Variants in GRIP1 observed in about 807,000 individuals in gnomAD.
GRIP1 encodes glutamate receptor-interacting protein 1.
Under a neutral mutation model 129.9 loss-of-function variants are expected in GRIP1, and 45 were observed. That is an observed-to-expected ratio of 0.35 (90% CI 0.27 to 0.44). The LOEUF (loss-of-function observed/expected upper bound fraction) is 0.44. GRIP1 is among the 20% of genes least tolerant of loss of function. The pLI is 1.00. For missense variants in GRIP1, 1,196 were observed against 1,396.8 expected (o/e 0.86, Z 2.29); for synonymous variants, 530 against 520.8 (o/e 1.02, Z -0.24).
chr12:66,639,273 C>T (rs2031706192), intron 1 of GRIP1, among the ~76,000 whole-genome samples: 1 of 152,084 alleles, frequency 6.6e-6, no homozygotes, highest in South Asian at 2.1e-4. Flanking sequence ...GAAGTGAGTA[C>T]TGAGGCAGAA....
chr12:66,793,605 C>A (rs1461010212), intron 1 of GRIP1, among the ~76,000 whole-genome samples: 1 of 152,096 alleles, frequency 6.6e-6, no homozygotes, highest in Middle Eastern at 3.2e-3. Flanking sequence ...GCGTTTGCTG[C>A]TTTTTCTCCT....
At chr12:66,611,903 A>G (rs968888606) in intron 1 of GRIP1, among the ~76,000 whole-genome samples, 2 of 152,206 alleles carry the variant, frequency 1.3e-5, no homozygotes, top group African/African-American at 4.8e-5. Context: ...CAGTTTGAAC[A>G]TAAGAATGAG....
At chr12:66,585,101 CCTT>C (rs1316831186) in intron 2 of GRIP1, among the ~76,000 whole-genome samples, 8 of 82,894 alleles carry the variant, frequency 9.7e-5, no homozygotes, top group African/African-American at 2.2e-4. Context: ...TCTTTTTTTT[CCTT>C]CTTTTTTTTT....
At chr12:67,026,062 C>T (rs900376067) in intron 1 of GRIP1, among the ~76,000 whole-genome samples, 1 of 152,084 alleles carries the variant, frequency 6.6e-6, no homozygotes, top group East Asian at 1.9e-4. Context: ...AACTCCCTGT[C>T]GGGGCTGCTT....
chr12:66,868,479 A>G (rs1293809417), intron 1 of GRIP1, among the ~76,000 whole-genome samples: 1 of 152,094 alleles, frequency 6.6e-6, no homozygotes, highest in Non-Finnish European at 1.5e-5. Flanking sequence ...TTGTAGCCCC[A>G]CGAACTTAAG....
chr12:66,349,466 C>A (rs992032607), intron 24 of GRIP1, among the ~76,000 whole-genome samples: 1 of 152,202 alleles, frequency 6.6e-6, no homozygotes, highest in East Asian at 1.9e-4. Flanking sequence ...AAGACATACA[C>A]ATCCTACCTA....
chr12:66,766,142 C>T (rs2037629932), intron 1 of GRIP1, among the ~76,000 whole-genome samples: 1 of 152,180 alleles, frequency 6.6e-6, no homozygotes, highest in Non-Finnish European at 1.5e-5. Context: ...TGGCTGACAA[C>T]TCGAAACACT....
chr12:66,395,943 A>C (rs1319197263), intron 16 of GRIP1, among the ~76,000 whole-genome samples: 1 of 152,226 alleles, frequency 6.6e-6, no homozygotes, highest in East Asian at 1.9e-4. Flanking sequence ...TAATCAGCAG[A>C]GGTCAAAAGT....
intron 7 of GRIP1, among the ~76,000 whole-genome samples, chr12:66,484,396 A>G (rs1231821662): frequency 5.9e-5 from 9 of 152,214 alleles, no homozygotes. Context: ...TATTTCTGCT[A>G]TGCTCTGCAC....
intron 1 of GRIP1, among the ~76,000 whole-genome samples, chr12:67,024,740 C>T (rs1021181467): frequency 1.3e-5 from 2 of 152,022 alleles, no homozygotes; most frequent in African/African-American, 4.8e-5. Flanking sequence ...GGCTACTCTT[C>T]CATATTTAAT....
intron 1 of GRIP1, among the ~76,000 whole-genome samples, chr12:66,964,670 C>G (rs1247407195): frequency 1.3e-5 from 2 of 152,130 alleles, no homozygotes; most frequent in African/African-American, 2.4e-5. Context: ...TAAACCTTCC[C>G]CAGAGAGTAG....
chr12:66,681,212 A>C (rs763972797), upstream of GRIP1, among the ~76,000 whole-genome samples: 2 of 152,032 alleles, frequency 1.3e-5, no homozygotes, highest in Non-Finnish European at 2.9e-5. Context: ...CTCCTGGAGT[A>C]ATTCTTTTCC....
upstream of GRIP1, among the ~76,000 whole-genome samples, chr12:66,679,414 G>T (rs2034490693): frequency 7.0e-6 from 1 of 142,676 alleles, no homozygotes; most frequent in Non-Finnish European, 1.5e-5. Flanking sequence ...GAAATGCATG[G>T]GTCATGTACT....
intron 1 of GRIP1, among the ~76,000 whole-genome samples, chr12:66,787,654 A>G (rs4913498): frequency 0.63 from 95,839 of 151,948 alleles, 31,182 homozygotes; most frequent in Non-Finnish European, 0.73. Flanking sequence ...GTAAGGACAC[A>G]GCTAGAAGGC....
At chr12:66,380,506 C>T (rs918128857) in intron 19 of GRIP1, among the ~76,000 whole-genome samples, 2 of 152,168 alleles carry the variant, frequency 1.3e-5, no homozygotes, top group Admixed American at 1.3e-4. Context: ...ATCTGATTAG[C>T]CTGATGGGTG....
At chr12:66,984,292 C>T (rs772033960) in intron 1 of GRIP1, among the ~76,000 whole-genome samples, 4 of 152,172 alleles carry the variant, frequency 2.6e-5, no homozygotes, top group African/African-American at 7.2e-5. Flanking sequence ...GAGCATCTGA[C>T]GAAGATAAAT....
intron 9 of GRIP1, among the ~76,000 whole-genome samples, chr12:66,459,981 T>C (rs987938643): frequency 6.6e-6 from 1 of 152,230 alleles, no homozygotes; most frequent in African/African-American, 2.4e-5. Flanking sequence ...ACTTATTATA[T>C]ACTAGGCACT....
In GRIP1 at chr12:66,853,043, A is replaced by C. The variant is rs373814916; in HGVS notation, c.58+216007T>G. Among the ~76,000 whole-genome samples the C allele has an allele frequency of 2.9e-4, 44 of 151,904 alleles. No individual in the cohort carries two copies. In the East Asian group the frequency reaches 5.3e-3, roughly 18 times the overall value. ...CTCAGGCAATTATTCTCCTTGTTTA[A>C]GTTTCCCTCAATAAGCATGAAAAGT... On this transcript the variant is annotated intron_variant, in intron 1 of 1. Coordinates refer to the GRIP1 transcript ENST00000643019.
At chr12:66,462,274 T>C (rs1394812338) in intron 9 of GRIP1, among the ~76,000 whole-genome samples, 1 of 152,226 alleles carries the variant, frequency 6.6e-6, no homozygotes, top group Non-Finnish European at 1.5e-5. Context: ...ATATAACTGG[T>C]TCCCTCTGAT....
Sources: allele counts gnomAD v4.1 joint callset (sites outside exome capture counted in the v4.1 genomes callset), GRCh38; gene constraint gnomAD v4.1.1; transcripts MANE v1.5; gene names NCBI Gene and HGNC (gene_info 2026-07-23, HGNC 2026-07-21).